Variants in FAM151B observed in about 807,000 individuals in gnomAD.
The protein encoded by FAM151B is family with sequence similarity 151 member B, also known as protein FAM151B.
In FAM151B, 24 loss-of-function variants were observed where a neutral mutation model predicts 31.2. The observed-to-expected ratio is 0.77, with a 90% CI of 0.56 to 1.08. The LOEUF (loss-of-function observed/expected upper bound fraction) is 1.08. FAM151B is among the 50% of genes least tolerant of loss of function. The pLI is 0.00. For missense variants in FAM151B, 293 were observed against 328.6 expected (o/e 0.89, Z 0.84); for synonymous variants, 105 against 111.4 (o/e 0.94, Z 0.36).
chr5:80,509,117 G>T (rs1000916844), intron 2 of FAM151B, among the ~76,000 whole-genome samples: 3 of 152,016 alleles, frequency 2.0e-5, no homozygotes, highest in African/African-American at 7.2e-5. Context: ...GGGACTACAG[G>T]CGTGTGCCAC....
chr5:80,532,886 C>T (rs1391414518), intron 5 of FAM151B, among the ~76,000 whole-genome samples: 2 of 152,082 alleles, frequency 1.3e-5, no homozygotes, highest in African/African-American at 4.8e-5. Flanking sequence ...AAACTATATG[C>T]TCCTGAATGG....
At chr5:80,498,523 T>C (rs1013760057) in intron 1 of FAM151B, 28 of 948,288 alleles carry the variant, frequency 3.0e-5, no homozygotes, top group Non-Finnish European at 4.5e-5. Flanking sequence ...TATTAACTCA[T>C]AGACAATTAC....
At chr5:80,503,052 A>T (rs1018204502) in intron 2 of FAM151B, among the ~76,000 whole-genome samples, 3 of 152,204 alleles carry the variant, frequency 2.0e-5, no homozygotes, top group African/African-American at 7.2e-5. Context: ...GAGAGTGGTT[A>T]TAGTTACATA....
chr5:80,490,019 T>TAAAC (rs1554055218), intron 1 of FAM151B, among the ~76,000 whole-genome samples: 3 of 144,596 alleles, frequency 2.1e-5, no homozygotes, highest in African/African-American at 7.7e-5. Context: ...TTTTCCCCCT[T>TAAAC]ACACACACAC....
chr5:80,522,219 A>G (rs189053042), intron 5 of FAM151B, 81 bp downstream of exon 5: 1 of 1,423,276 alleles, frequency 7.0e-7, no homozygotes, highest in East Asian at 2.3e-5. Context: ...GATTATTTAA[A>G]GACAGTGTGT....
At chr5:80,520,864 A>G (rs1257488723) in intron 4 of FAM151B, among the ~76,000 whole-genome samples, 2 of 146,210 alleles carry the variant, frequency 1.4e-5, no homozygotes, top group Non-Finnish European at 3.0e-5. Context: ...GCTGGAGTGC[A>G]GTGGTGTGAT....
At chr5:80,534,440 G>A (rs775238237) in intron 5 of FAM151B, among the ~76,000 whole-genome samples, 1 of 152,164 alleles carries the variant, frequency 6.6e-6, no homozygotes, top group Non-Finnish European at 1.5e-5. Flanking sequence ...AGGGATGAAA[G>A]GATGGTTCAA....
At chr5:80,512,201 G>T (rs1223252110) in intron 2 of FAM151B, among the ~76,000 whole-genome samples, 1 of 152,150 alleles carries the variant, frequency 6.6e-6, no homozygotes, top group Admixed American at 6.5e-5. Context: ...CAAGATCACA[G>T]TTCTTTGGGT....
At chr5:80,520,527 C>G (rs1447114449) in intron 4 of FAM151B, among the ~76,000 whole-genome samples, 1 of 151,346 alleles carries the variant, frequency 6.6e-6, no homozygotes, top group Non-Finnish European at 1.5e-5. Flanking sequence ...TGCCTGTAGT[C>G]TCAGCTACTC....
intron 3 of FAM151B, among the ~76,000 whole-genome samples, chr5:80,516,532 C>G (rs908027200): frequency 6.6e-6 from 1 of 152,022 alleles, no homozygotes; most frequent in African/African-American, 2.4e-5. Flanking sequence ...TTACAAATAA[C>G]TTTTTAGGAA....
chr5:80,519,267 T>C (rs1057219278), intron 3 of FAM151B, among the ~76,000 whole-genome samples: 5 of 152,178 alleles, frequency 3.3e-5, no homozygotes, highest in Non-Finnish European at 7.3e-5. Context: ...GAATTAGAGA[T>C]ACAGGGCTTG....
chr5:80,514,478 AT>A (rs1744331207), intron 3 of FAM151B, among the ~76,000 whole-genome samples: 3 of 27,144 alleles, frequency 1.1e-4, no homozygotes, highest in Non-Finnish European at 3.5e-4. Flanking sequence ...TCCCTCTCAA[AT>A]AATAATAATA....
intron 2 of FAM151B, among the ~76,000 whole-genome samples, chr5:80,505,645 C>T (rs1012078706): frequency 2.6e-5 from 4 of 151,574 alleles, no homozygotes; most frequent in African/African-American, 7.3e-5. Flanking sequence ...CTGCCCGCCT[C>T]GGCCTCCTAA....
At chr5:80,497,093 G>A (rs916949990) in intron 1 of FAM151B, among the ~76,000 whole-genome samples, 8 of 151,834 alleles carry the variant, frequency 5.3e-5, no homozygotes, top group African/African-American at 9.7e-5. Context: ...TTACAGGCGT[G>A]AGCCACCATG....
intron 5 of FAM151B, among the ~76,000 whole-genome samples, chr5:80,531,669 C>A (rs1245654193): frequency 4.6e-5 from 7 of 152,072 alleles, no homozygotes; most frequent in African/African-American, 1.7e-4. Context: ...AGAGAATGCA[C>A]ATCAAAACCA....
At chr5:80,495,573 A>C (rs1048451513) in intron 1 of FAM151B, among the ~76,000 whole-genome samples, 1 of 152,182 alleles carries the variant, frequency 6.6e-6, no homozygotes, top group South Asian at 2.1e-4. Flanking sequence ...GCTCATGCCT[A>C]TAATCCCAGC....
chr5:80,538,941 C>T (rs71636234), intron 5 of FAM151B, among the ~76,000 whole-genome samples: 18,502 of 150,646 alleles, frequency 0.12, 1,408 homozygotes, highest in Middle Eastern at 0.24. Context: ...TGTCATACAC[C>T]TTGCTTCTTG....
At chr5:80,500,520 T>C (rs1172516477) in intron 1 of FAM151B, 3 of 758,846 alleles carry the variant, frequency 4.0e-6, no homozygotes, top group Non-Finnish European at 7.2e-6. Flanking sequence ...TATAGGCAGA[T>C]ATACAGAACT....
intron 5 of FAM151B, among the ~76,000 whole-genome samples, chr5:80,536,280 C>T (rs944170466): frequency 2.0e-5 from 3 of 152,104 alleles, no homozygotes; most frequent in African/African-American, 7.2e-5. Flanking sequence ...AAGCGATTCT[C>T]CTGCCTCAGC....
Sources: allele counts gnomAD v4.1 joint callset (sites outside exome capture counted in the v4.1 genomes callset), GRCh38; gene constraint gnomAD v4.1.1; transcripts MANE v1.5; gene names NCBI Gene and HGNC (gene_info 2026-07-23, HGNC 2026-07-21).